KCNG3: variants seen among roughly 807,000 people sequenced by gnomAD.
KCNG3 encodes the protein voltage-gated potassium channel regulatory subunit KCNG3.
In KCNG3, 15 loss-of-function variants were observed where a neutral mutation model predicts 29.0. The ratio of observed to expected loss-of-function variants is 0.52; its 90% CI spans 0.35 to 0.80. The LOEUF (loss-of-function observed/expected upper bound fraction) is 0.80, where lower values mean the gene tolerates loss of function less well. Ranked by LOEUF, KCNG3 falls within the 30% of genes least tolerant of loss-of-function variation. The pLI, the probability that KCNG3 is intolerant of heterozygous loss-of-function variation, is 0.01. For missense variants in KCNG3, 512 were observed against 605.7 expected (o/e 0.85, Z 1.62); for synonymous variants, 322 against 248.9 (o/e 1.29, Z -2.76).
chr2:42,440,482 A>C (rs1179701996), downstream of KCNG3: 2 of 242 alleles, frequency 8.3e-3, no homozygotes, highest in African/African-American at 0.023. Context: ...TGTTTTCTTT[A>C]AAAAAAAAAA....
intron 1 of KCNG3, among the ~76,000 whole-genome samples, chr2:42,474,399 A>G (rs1490578033): frequency 6.6e-6 from 1 of 151,566 alleles, no homozygotes; most frequent in African/African-American, 2.4e-5. Flanking sequence ...ATGGTGACGC[A>G]TGCCTATAAT....
At chr2:42,472,274 G>A (rs1673308821) in intron 1 of KCNG3, among the ~76,000 whole-genome samples, 3 of 152,170 alleles carry the variant, frequency 2.0e-5, no homozygotes, top group Non-Finnish European at 1.5e-5. Context: ...TACAGCCATA[G>A]AAATCAAACG....
intron 1 of KCNG3, among the ~76,000 whole-genome samples, chr2:42,452,520 C>A (rs189096895): frequency 3.3e-5 from 5 of 151,872 alleles, no homozygotes; most frequent in African/African-American, 9.7e-5. Context: ...CCCCACCACC[C>A]CCGCTACCCT....
At chr2:42,408,083 C>A in the KCNG3 span, among the ~76,000 whole-genome samples, 2 of 152,336 alleles carry the variant, frequency 1.3e-5, no homozygotes, top group East Asian at 3.9e-4. Context: ...AGCCCCCTGC[C>A]ACCTTGGCCC....
intron 1 of KCNG3, among the ~76,000 whole-genome samples, chr2:42,470,627 C>A (rs967066419): frequency 6.6e-6 from 1 of 152,204 alleles, no homozygotes; most frequent in Non-Finnish European, 1.5e-5. Context: ...GTAATCCCAG[C>A]ACTTTGGGAG....
chr2:42,487,537 G>A (rs182670936), intron 1 of KCNG3, among the ~76,000 whole-genome samples: 1 of 152,086 alleles, frequency 6.6e-6, no homozygotes, highest in East Asian at 1.9e-4. Flanking sequence ...TATATGTAAA[G>A]ATGCAAAATC....
At chr2:42,429,843 A>G in the KCNG3 span, among the ~76,000 whole-genome samples, 1 of 152,192 alleles carries the variant, frequency 6.6e-6, no homozygotes, top group Non-Finnish European at 1.5e-5. Context: ...AAAGAAGAAG[A>G]GAAACAATGC....
At chr2:42,470,880 G>C (rs971233575) in intron 1 of KCNG3, among the ~76,000 whole-genome samples, 5 of 151,318 alleles carry the variant, frequency 3.3e-5, no homozygotes, top group Non-Finnish European at 7.4e-5. Flanking sequence ...TGGGGGGCCA[G>C]GTGGCGTGGC....
chr2:42,463,990 T>G (rs1673082266), intron 1 of KCNG3: 1 of 290,990 alleles, frequency 3.4e-6, no homozygotes, highest in Non-Finnish European at 7.0e-6. Flanking sequence ...CGTGGGAGGC[T>G]TAACCATCTT....
At chr2:42,426,341 C>T in the KCNG3 span, among the ~76,000 whole-genome samples, 9 of 152,176 alleles carry the variant, frequency 5.9e-5, no homozygotes, top group East Asian at 3.9e-4. Flanking sequence ...ATTCCTAAAA[C>T]GCCTACCAAA....
intron 1 of KCNG3, among the ~76,000 whole-genome samples, chr2:42,476,422 G>A (rs1325540549): frequency 1.3e-5 from 2 of 151,870 alleles, no homozygotes; most frequent in African/African-American, 4.8e-5. Context: ...GGCTGCAGTG[G>A]GCTGAGATCA....
At chr2:42,399,022 G>A in the KCNG3 span, among the ~76,000 whole-genome samples, 3 of 146,352 alleles carry the variant, frequency 2.0e-5, no homozygotes, top group Non-Finnish European at 4.6e-5. Flanking sequence ...TTAATATTGG[G>A]TTGTTCTTTT....
chr2:42,402,966 A>C, the KCNG3 span, among the ~76,000 whole-genome samples: 2 of 152,230 alleles, frequency 1.3e-5, no homozygotes, highest in African/African-American at 4.8e-5. Flanking sequence ...TTTATAGATC[A>C]ATTTGGGCAG....
At chr2:42,483,065 G>A (rs1673632049) in intron 1 of KCNG3, among the ~76,000 whole-genome samples, 1 of 152,142 alleles carries the variant, frequency 6.6e-6, no homozygotes, top group South Asian at 2.1e-4. Flanking sequence ...AGGTTGCAGT[G>A]AAAGGAGACT....
the KCNG3 span, among the ~76,000 whole-genome samples, chr2:42,399,056 CTTTTTTTTTTTTTTTTTT>C: frequency 9.3e-6 from 1 of 107,632 alleles, no homozygotes; most frequent in Non-Finnish European, 1.8e-5. Flanking sequence ...TTTTTCTTTT[CTTTTTTTTTTTTTTTTTT>C]GAGACAGGGT....
At chr2:42,411,827 CT>C in the KCNG3 span, among the ~76,000 whole-genome samples, 1 of 152,214 alleles carries the variant, frequency 6.6e-6, no homozygotes, top group East Asian at 1.9e-4. Flanking sequence ...GTTATTTGTA[CT>C]TGCTACCATC....
chr2:42,488,142 T>C (rs945694903), intron 1 of KCNG3, among the ~76,000 whole-genome samples: 1 of 152,214 alleles, frequency 6.6e-6, no homozygotes, highest in Non-Finnish European at 1.5e-5. Context: ...GTTTTGTAGC[T>C]TTTAGATTTT....
chr2:42,404,813 G>A, the KCNG3 span, among the ~76,000 whole-genome samples: 1 of 152,096 alleles, frequency 6.6e-6, no homozygotes, highest in East Asian at 1.9e-4. Flanking sequence ...AAGTATACAC[G>A]GCAATGATTG....
intron 1 of KCNG3, among the ~76,000 whole-genome samples, chr2:42,462,709 TAA>T (rs946873319): frequency 6.6e-6 from 1 of 151,918 alleles, no homozygotes; most frequent in African/African-American, 2.4e-5. Context: ...TAATAAAAAT[TAA>T]AAAGTCTTTG....
Sources: allele counts gnomAD v4.1 joint callset (sites outside exome capture counted in the v4.1 genomes callset), GRCh38; gene constraint gnomAD v4.1.1; transcripts MANE v1.5; gene names NCBI Gene and HGNC (gene_info 2026-07-23, HGNC 2026-07-21).